The following MED14 variants were observed in gnomAD, a reference collection of about 807,000 sequenced individuals.
MED14 encodes mediator complex subunit 14.
Under a neutral mutation model 109.0 loss-of-function variants are expected in MED14, and 8 were observed. The observed-to-expected ratio is 0.07, with a 90% confidence interval of 0.04 to 0.13. MED14 has a LOEUF of 0.13. Among genes scored for constraint, MED14 ranks in the 10% least tolerant of loss-of-function variants. The pLI, the probability that MED14 is intolerant of heterozygous loss-of-function variation, is 1.00. For synonymous variants in MED14, 399 were observed against 408.7 expected (o/e 0.98, Z 0.29); for missense variants, 711 against 1,142.4 (o/e 0.62, Z 5.44).
At chrX:40,718,622 C>A (rs931586014) in intron 3 of MED14, among the ~76,000 whole-genome samples, 4 of 111,654 alleles carry the variant, frequency 3.6e-5, no homozygotes, top group African/African-American at 1.3e-4. Flanking sequence ...CTGCTTGAAG[C>A]CAGGAGTTCG....
At chrX:40,672,759 C>CT (rs1186641699) in intron 22 of MED14, among the ~76,000 whole-genome samples, 95 of 103,477 alleles carry the variant, frequency 9.2e-4, no homozygotes, top group African/African-American at 1.3e-3. Flanking sequence ...AGATTGTCTA[C>CT]TTTTTTTTTT....
At chrX:40,665,540 A>G (rs898352952) in intron 24 of MED14, among the ~76,000 whole-genome samples, 1 of 110,921 alleles carries the variant, frequency 9.0e-6, no homozygotes, top group Non-Finnish European at 1.9e-5. Context: ...CTCAAAAAAA[A>G]CAAAACAAAA....
At chrX:40,668,478 G>A (rs1453706251) in intron 23 of MED14, among the ~76,000 whole-genome samples, 8 of 110,435 alleles carry the variant, frequency 7.2e-5, no homozygotes, top group Non-Finnish European at 1.5e-4. Context: ...ACAGTGAAAC[G>A]TTAACTTATT....
At position 40,681,097 on chromosome X, in the gene MED14, C is replaced by T. The variant is rs773867750; in HGVS notation, c.2458-187G>A. Among the ~76,000 whole-genome samples, 4 of 112,614 alleles carry T rather than the reference C, an allele frequency of 3.6e-5. No individual in the cohort carries two copies. In the East Asian group the frequency reaches 1.1e-3, roughly 31 times the overall value. ...CTGTTAATATTGAACAGTACACTCC[C>T]TGACCATGTGTTAGTCCTCTTTTAC... On this transcript the variant is annotated intron_variant, in intron 19 of 30. Coordinates refer to ENST00000324817, the MANE Select transcript of MED14 (RefSeq NM_004229.4).
At position 40,651,661 on chromosome X, in the gene MED14, G is replaced by A; in HGVS notation, c.*145C>T. ...GGATGATCATTTTGATGAAAGAAGT[G>A]CACCCTGAAAATTTTTGCCAGTTTA... On this transcript the variant is annotated 3_prime_UTR_variant, in exon 31 of 31. Coordinates refer to ENST00000324817, the MANE Select transcript of MED14 (RefSeq NM_004229.4). 1 of 1,052,764 alleles carries A rather than the reference G, an allele frequency of 9.5e-7. No homozygotes were observed. Among genetic ancestry groups the A allele is most frequent in the Non-Finnish European group, 1.2e-6 (1 of 819,661 alleles). 86.8% of individuals were successfully genotyped at this position (1,052,764 alleles called of 1,213,427 possible).
intron 20 of MED14, among the ~76,000 whole-genome samples, chrX:40,680,430 T>G (rs947976865): frequency 4.5e-5 from 5 of 111,740 alleles, no homozygotes; most frequent in African/African-American, 1.6e-4. Context: ...TGTTTGTTTG[T>G]TTTTTGAGAC....
At chrX:40,687,640 T>C (rs998815232) in intron 16 of MED14, among the ~76,000 whole-genome samples, 13 of 111,435 alleles carry the variant, frequency 1.2e-4, no homozygotes, top group African/African-American at 4.3e-4. Context: ...CCAAGCTCTC[T>C]CTTCCCTCCA....
chrX:40,688,125 G>A (rs1226755177), intron 16 of MED14, among the ~76,000 whole-genome samples: 1 of 111,343 alleles, frequency 9.0e-6, no homozygotes, highest in Non-Finnish European at 1.9e-5. Flanking sequence ...GTTGAGGCAC[G>A]AGAATTGCTT....
intron 10 of MED14, among the ~76,000 whole-genome samples, chrX:40,707,686 A>G (rs1447145973): frequency 8.9e-6 from 1 of 112,427 alleles, no homozygotes; most frequent in Non-Finnish European, 1.9e-5. Flanking sequence ...TTATGATTCC[A>G]TTTATATGAA....
At chrX:40,714,853 T>C in intron 3 of MED14, 143 bp from the exon 4 acceptor site, 1 of 507,799 alleles carries the variant, frequency 2.0e-6, no homozygotes, top group Non-Finnish European at 3.1e-6. Flanking sequence ...TCAAATATTC[T>C]CCAGTAACTT....
At chrX:40,676,694 C>T (rs768880290) in intron 21 of MED14, among the ~76,000 whole-genome samples, 13 of 111,644 alleles carry the variant, frequency 1.2e-4, no homozygotes, top group Non-Finnish European at 2.3e-4. Flanking sequence ...GGGACAGTTC[C>T]CCCCATGCTG....
Position 40,682,915 on chromosome X carries a change from T to C in MED14, c.2139A>G (p.Gln713=). ...CTACCCAAGTGCGGTTATTTCTACC[T>C]TGTAATCGGAAAGTGCAATCAAGAA... ...RSLLDCTFRL[Q]GRNNRTWVAE... The change falls in exon 17 of 31, where the codon CAA becomes CAG. Residue 713 remains glutamine, a synonymous_variant. Coordinates refer to ENST00000324817, the MANE Select transcript of MED14 (RefSeq NM_004229.4). 2 of 1,211,548 alleles carry C rather than the reference T, an allele frequency of 1.7e-6. No individual in the cohort carries two copies. Among genetic ancestry groups the C allele is most frequent in the Non-Finnish European group, 2.2e-6 (2 of 895,169 alleles).
At chrX:40,720,073 A>G (rs1214381326) in intron 3 of MED14, among the ~76,000 whole-genome samples, 1 of 112,123 alleles carries the variant, frequency 8.9e-6, no homozygotes, top group Non-Finnish European at 1.9e-5. Flanking sequence ...TGACATAAAC[A>G]CATCTGTATC....
intron 11 of MED14, among the ~76,000 whole-genome samples, chrX:40,703,230 G>A (rs184274549): frequency 2.3e-4 from 26 of 112,159 alleles, no homozygotes; most frequent in African/African-American, 7.4e-4. Flanking sequence ...ACGAATGTGC[G>A]TTATACTGGG....
intron 3 of MED14, 60 bp from the exon 4 acceptor site, chrX:40,714,770 A>C: frequency 2.0e-6 from 2 of 984,299 alleles, no homozygotes; most frequent in Non-Finnish European, 2.8e-6. Context: ...TTTCACACTA[A>C]ATATTGTTAA....
At chrX:40,698,494 A>T (rs1262226630) in intron 12 of MED14, among the ~76,000 whole-genome samples, 1 of 112,171 alleles carries the variant, frequency 8.9e-6, no homozygotes, top group Non-Finnish European at 1.9e-5. Context: ...CAGTTTCTAT[A>T]ATTTTCTTTT....
At chrX:40,710,700 C>A (rs1330779114) in intron 8 of MED14, among the ~76,000 whole-genome samples, 2 of 111,490 alleles carry the variant, frequency 1.8e-5, no homozygotes, top group Non-Finnish European at 3.8e-5. Context: ...ACCTCTCAAA[C>A]TTTTTAAGAA....
chrX:40,692,886 T>G lies in MED14; in HGVS notation c.1667A>C (p.Glu556Ala). 8.6e-7 allele frequency: 1 copy of G among 1,162,196 alleles called. No homozygotes were observed. The highest frequency in any genetic ancestry group is 1.1e-6 in the Non-Finnish European group (1 of 873,991). Residue 556 changes from glutamate to alanine, a missense_variant, in exon 14 of 31, where the codon GAG becomes GCG. By Grantham distance (107) the Glu-to-Ala change is moderately radical (BLOSUM62 -1). This residue lies in a region of MED14 where 388 missense variants were observed against 517.3 expected (regional missense o/e 0.75). Transcript: ENST00000324817. ...PQYYIVVEML[E>A]VPNKPTQLSY... ...CAGTTGTGTGGGTTTATTGGGAACC[T>G]CCAACATCTCCACAACCTAAAAATC...
At chrX:40,728,030 A>G (rs1931948102) in intron 2 of MED14, among the ~76,000 whole-genome samples, 1 of 112,075 alleles carries the variant, frequency 8.9e-6, no homozygotes, top group African/African-American at 3.2e-5. Flanking sequence ...ACGAAGGATC[A>G]TAAGACAAGA....
Sources: allele counts gnomAD v4.1 joint callset (sites outside exome capture counted in the v4.1 genomes callset), GRCh38; gene constraint gnomAD v4.1.1; regional missense constraint gnomAD v4.1.1; transcripts MANE v1.5; gene names NCBI Gene and HGNC (gene_info 2026-07-23, HGNC 2026-07-21).